Variants in ARID1B observed in about 807,000 individuals in gnomAD.
The protein encoded by ARID1B is AT-rich interaction domain 1B, also known as AT-rich interactive domain-containing protein 1B.
In ARID1B, 30 loss-of-function variants were observed where a neutral mutation model predicts 212.3. The ratio of observed to expected loss-of-function variants is 0.14; its 90% CI spans 0.11 to 0.19. ARID1B has a LOEUF of 0.19. Among genes scored for constraint, ARID1B ranks in the 10% least tolerant of loss-of-function variants. The pLI is 1.00. For missense variants in ARID1B, 2,891 were observed against 3,204.0 expected, an observed-to-expected ratio of 0.90 and a Z score of 2.36; for synonymous variants, 1,402 against 1,301.7, an observed-to-expected ratio of 1.08 and a Z score of -1.66.
rs557462857 is a variant in ARID1B, at chr6:157,205,105, C to A, written c.5395-1062C>A. The A allele has an allele frequency of 6.8e-4, 103 of 152,308 alleles. 1 individual carries two copies. Among genetic ancestry groups the A allele is most frequent in the African/African-American group, 2.3e-3 (96 of 41,572 alleles). The allele number at this position is 152,308 out of a possible 1,614,324, so 9.4% of individuals were successfully genotyped here. On this transcript the variant is annotated intron_variant, in intron 19 of 19. Transcript: ENST00000636930. ...TGTTGTTGATCACATATTTGCATAA[C>A]CAGAATTGCTTTATTAACTTTCCCT...
chr6:156,981,572 A>T (rs1445190200), intron 4 of ARID1B, among the ~76,000 whole-genome samples: 1 of 152,218 alleles, frequency 6.6e-6, no homozygotes, highest in Non-Finnish European at 1.5e-5. Context: ...TCAGTTTGGC[A>T]TCATTTACTG....
In ARID1B at chr6:156,829,234, C is replaced by A. The variant is rs2128045786; in HGVS notation, c.1799C>A (p.Pro600Gln). The A allele has an allele frequency of 1.2e-6, 2 of 1,611,918 alleles. No homozygotes were observed. The highest frequency in any genetic ancestry group is 1.1e-5 in the South Asian group (1 of 90,758). The stretch of plus-strand genomic sequence containing the variant: ...TCTTTTATGTCTTCACAGGGCAGCC[C>A]AATGGATCCAATGGTGATGAAGAGA... ...GPTMGRSQGS[P>Q]MDPMVMKRPQ... Residue 600 changes from proline (P) to glutamine (Q), a missense_variant, in exon 2 of 20, where the codon CCA becomes CAA. Transcript: ENST00000636930.
chr6:156,964,152 A>T (rs991474098), intron 4 of ARID1B, among the ~76,000 whole-genome samples: 1 of 152,248 alleles, frequency 6.6e-6, no homozygotes, highest in Non-Finnish European at 1.5e-5. Flanking sequence ...TGCATGCCTT[A>T]TTAACTCATC....
chr6:156,833,049 G>T (rs901153276), intron 2 of ARID1B, among the ~76,000 whole-genome samples: 1 of 152,084 alleles, frequency 6.6e-6, no homozygotes, highest in African/African-American at 2.4e-5. Context: ...AGTTCAGGGG[G>T]GAAATGAATT....
At chr6:157,188,307 T>C (rs2128336165) in intron 13 of ARID1B, among the ~76,000 whole-genome samples, 1 of 152,300 alleles carries the variant, frequency 6.6e-6, no homozygotes, top group African/African-American at 2.4e-5. Context: ...CAGGGACGGA[T>C]GTTACGCAGT....
chr6:157,167,382 A>T, intron 9 of ARID1B, 197 bp downstream of exon 9: 1 of 530,790 alleles, frequency 1.9e-6, no homozygotes, highest in South Asian at 4.0e-5. Flanking sequence ...TATGTAAATT[A>T]TTTTTATTCA....
At chr6:156,906,845 A>T (rs1244846677) in intron 3 of ARID1B, among the ~76,000 whole-genome samples, 1 of 152,108 alleles carries the variant, frequency 6.6e-6, no homozygotes, top group East Asian at 1.9e-4. Flanking sequence ...CTGCTGTATT[A>T]CTTTTGTTAG....
chr6:157,048,733 C>G (rs1278104670), intron 4 of ARID1B, among the ~76,000 whole-genome samples: 1 of 152,140 alleles, frequency 6.6e-6, no homozygotes, highest in Non-Finnish European at 1.5e-5. Flanking sequence ...CTCATGCTTC[C>G]CTGAATTCGG....
At chr6:156,935,774 A>G (rs377045222) in intron 4 of ARID1B, 198 bp downstream of exon 4, 17 of 516,096 alleles carry the variant, frequency 3.3e-5, no homozygotes, top group Non-Finnish European at 4.9e-5. Flanking sequence ...ATGTGTATAT[A>G]TCTCTGTTGC....
At chr6:157,187,128 G>T (rs1009316044) in intron 13 of ARID1B, among the ~76,000 whole-genome samples, 5 of 152,188 alleles carry the variant, frequency 3.3e-5, no homozygotes, top group African/African-American at 1.2e-4. Context: ...TGGCGATCTT[G>T]TTATAAAGCA....
At chr6:156,936,046 T>C (rs1331368533) in intron 4 of ARID1B, 1 of 152,994 alleles carries the variant, frequency 6.5e-6, no homozygotes, top group East Asian at 1.9e-4. Context: ...CAAAAGAAGG[T>C]AGTTTGAAAT....
At chr6:157,057,656 T>C (rs1422847954) in intron 4 of ARID1B, among the ~76,000 whole-genome samples, 2 of 152,210 alleles carry the variant, frequency 1.3e-5, no homozygotes, top group East Asian at 1.9e-4. Context: ...AAATAATATA[T>C]TTTAAATAGG....
chr6:157,106,864 G>A lies in ARID1B; in HGVS notation c.2492-3608G>A, dbSNP rs140395733. Reference sequence around the variant, plus strand: ...TGGCTCTTCTCACAATGGAATTCCAGTAACTAAATGTGGAAGAAAAAGGGG... The same window carrying A: ...TGGCTCTTCTCACAATGGAATTCCAATAACTAAATGTGGAAGAAAAAGGGG... On this transcript the variant is annotated intron_variant, in intron 5 of 19. Coordinates refer to ENST00000636930, the MANE Select transcript of ARID1B (RefSeq NM_001374828.1). 8.6e-3 allele frequency among the ~76,000 whole-genome samples: 1,314 copies of A among 152,288 alleles called. 26 individuals are homozygous for A. The highest frequency in any genetic ancestry group is 0.03 in the African/African-American group (1,240 of 41,568).
chr6:157,153,845 G>A (rs1189407448), intron 8 of ARID1B, among the ~76,000 whole-genome samples: 2 of 152,086 alleles, frequency 1.3e-5, no homozygotes, highest in African/African-American at 4.8e-5. Context: ...TCACTATGTT[G>A]CCCAGGCTGG....
At chr6:157,153,409 T>C (rs931650772) in intron 8 of ARID1B, among the ~76,000 whole-genome samples, 2 of 152,224 alleles carry the variant, frequency 1.3e-5, no homozygotes, top group African/African-American at 2.4e-5. Flanking sequence ...GAAAATGCAT[T>C]GTTGTGTACA....
rs114875623 is a variant in ARID1B, at chr6:156,850,518, A to G, written c.1986+21097A>G. 9.0e-3 allele frequency among the ~76,000 whole-genome samples: 1,371 copies of G among 152,324 alleles called. 25 individuals carry two copies. Among genetic ancestry groups the G allele is most frequent in the African/African-American group, 0.032 (1,312 of 41,584 alleles). Reference sequence around the variant, plus strand: ...AAAAGTAATAGAAAGTAGAATGGGGAAGTGGAAACACTGGAATCACCCCTT... The same window carrying G: ...AAAAGTAATAGAAAGTAGAATGGGGGAGTGGAAACACTGGAATCACCCCTT... On this transcript the variant is annotated intron_variant, in intron 2 of 19. Coordinates refer to ENST00000636930, the MANE Select transcript of ARID1B (RefSeq NM_001374828.1).
At chr6:157,033,547 C>A (rs539313148) in intron 4 of ARID1B, among the ~76,000 whole-genome samples, 2 of 152,164 alleles carry the variant, frequency 1.3e-5, no homozygotes, top group Non-Finnish European at 2.9e-5. Context: ...AGTTTTACTT[C>A]CAAATTCAGG....
At chr6:156,860,833 A>C (rs1785276564) in intron 2 of ARID1B, among the ~76,000 whole-genome samples, 2 of 152,158 alleles carry the variant, frequency 1.3e-5, no homozygotes, top group South Asian at 4.1e-4. Flanking sequence ...TTCCCCCTCT[A>C]CTTCTTTTCT....
chr6:157,045,146 C>T (rs1486877898), intron 4 of ARID1B, among the ~76,000 whole-genome samples: 1 of 152,126 alleles, frequency 6.6e-6, no homozygotes, highest in African/African-American at 2.4e-5. Flanking sequence ...ATAAAGTTGA[C>T]AAGTTTCATT....
Sources: allele counts gnomAD v4.1 joint callset (sites outside exome capture counted in the v4.1 genomes callset), GRCh38; gene constraint gnomAD v4.1.1; transcripts MANE v1.5; gene names NCBI Gene and HGNC (gene_info 2026-07-23, HGNC 2026-07-21).